Variants in OPRM1 observed in about 807,000 individuals in gnomAD.
OPRM1 encodes opioid receptor mu 1.
In OPRM1, 27 loss-of-function variants were observed where a neutral mutation model predicts 31.8. The ratio of observed to expected loss-of-function variants is 0.85; its 90% CI spans 0.63 to 1.17. OPRM1 has a LOEUF of 1.17. Ranked by LOEUF, OPRM1 falls within the 50% of genes most tolerant of loss-of-function variation. OPRM1 has a pLI of 0.00. For missense variants in OPRM1, 536 were observed against 511.1 expected, an observed-to-expected ratio of 1.05 and a Z score of -0.47; for synonymous variants, 196 against 189.9, an observed-to-expected ratio of 1.03 and a Z score of -0.26.
At chr6:154,089,414 C>A (rs1198367369) in intron 1 of OPRM1, among the ~76,000 whole-genome samples, 1 of 152,030 alleles carries the variant, frequency 6.6e-6, no homozygotes, top group Non-Finnish European at 1.5e-5. Context: ...TGTCAAGACC[C>A]TGTCCCTACA....
intron 1 of OPRM1, among the ~76,000 whole-genome samples, chr6:154,021,409 T>C (rs535889790): frequency 6.6e-6 from 1 of 152,194 alleles, no homozygotes; most frequent in Non-Finnish European, 1.5e-5. Flanking sequence ...CCTCCAACTT[T>C]GTGCTTCTTC....
chr6:154,065,536 C>T (rs904278609), intron 1 of OPRM1, among the ~76,000 whole-genome samples: 3 of 152,188 alleles, frequency 2.0e-5, no homozygotes, highest in Admixed American at 6.5e-5. Flanking sequence ...ATAAATTAAA[C>T]TATTTTTCTA....
intron 1 of OPRM1, chr6:154,086,778 G>A: frequency 1.0e-6 from 1 of 985,394 alleles, no homozygotes; most frequent in Non-Finnish European, 1.2e-6. Flanking sequence ...TGCTGGGTAG[G>A]AAAGTGGCAA....
chr6:154,039,895 C>G, intron 1 of OPRM1, 61 bp downstream of exon 1: 1 of 1,436,454 alleles, frequency 7.0e-7, no homozygotes, highest in Admixed American at 2.2e-5. Context: ...TACAAAGAGA[C>G]ACCTAACTCC....
intron 3 of OPRM1, chr6:154,158,773 A>G (rs1024893554): frequency 5.3e-5 from 8 of 152,246 alleles, no homozygotes; most frequent in Admixed American, 1.3e-4. Flanking sequence ...ATCATCTTTT[A>G]AACACTAGTA....
At chr6:154,152,179 A>AAAG (rs1159707765) in intron 3 of OPRM1, among the ~76,000 whole-genome samples, 1 of 145,738 alleles carries the variant, frequency 6.9e-6, no homozygotes, top group African/African-American at 2.7e-5. Context: ...ACAAAAAAAA[A>AAAG]AAAGAAAGAG....
chr6:154,198,905 C>T (rs1027817349), intron 3 of OPRM1, among the ~76,000 whole-genome samples: 4 of 152,182 alleles, frequency 2.6e-5, no homozygotes, highest in Non-Finnish European at 5.9e-5. Flanking sequence ...TCTTTCACTG[C>T]TCAGTATCTT....
intron 1 of OPRM1, among the ~76,000 whole-genome samples, chr6:154,013,857 C>A (rs1171877546): frequency 4.6e-5 from 7 of 152,114 alleles, no homozygotes; most frequent in Non-Finnish European, 8.8e-5. Flanking sequence ...AGAGCCAAGG[C>A]TTCTTGAGAC....
chr6:154,012,656 T>C (rs1777792098), intron 1 of OPRM1, among the ~76,000 whole-genome samples: 2 of 152,160 alleles, frequency 1.3e-5, no homozygotes, highest in Non-Finnish European at 2.9e-5. Context: ...AAAGTTAAAA[T>C]AGGGTCTATG....
Position 154,119,013 on chromosome 6 carries a change from G to T in OPRM1, c.*292G>T. ...TATGTGAATTGAAGTCATCATAAAA[G>T]GTGACCCTTCTGTCTGTAAGATTTT... On this transcript the variant is annotated 3_prime_UTR_variant, in exon 4 of 4. Coordinates refer to ENST00000330432, the MANE Select transcript of OPRM1 (RefSeq NM_000914.5). 8.7e-7 allele frequency: 1 copy of T among 1,152,894 alleles called. No individual in the cohort carries two copies. The allele number at this position is 1,152,894 out of a possible 1,614,324, so 71.4% of individuals were successfully genotyped here. A position where few individuals can be genotyped will look rare whatever the true frequency, so the allele number is the denominator to read the frequency against.
intron 3 of OPRM1, among the ~76,000 whole-genome samples, chr6:154,187,052 T>G (rs1203651806): frequency 1.3e-5 from 2 of 152,162 alleles, no homozygotes; most frequent in Non-Finnish European, 2.9e-5. Flanking sequence ...CACTCCACAC[T>G]CTGTCTTCCT....
intron 1 of OPRM1, among the ~76,000 whole-genome samples, chr6:154,082,219 A>C (rs1789326458): frequency 6.6e-6 from 1 of 152,180 alleles, no homozygotes. Context: ...TTATTTCTTT[A>C]TTTAAATTCC....
chr6:154,083,089 C>T (rs1308710365), intron 1 of OPRM1, among the ~76,000 whole-genome samples: 1 of 152,072 alleles, frequency 6.6e-6, no homozygotes, highest in Admixed American at 6.6e-5. Context: ...TGGGCACTTC[C>T]GGAAAGCATA....
At chr6:154,159,391 CA>C (rs1798843579) in intron 3 of OPRM1, 1 of 175,316 alleles carries the variant, frequency 5.7e-6, no homozygotes, top group African/African-American at 2.4e-5. Flanking sequence ...TCCACTCAAA[CA>C]GTGATTTGGG....
intron 3 of OPRM1, among the ~76,000 whole-genome samples, chr6:154,092,959 AC>A (rs1792621603): frequency 6.6e-6 from 1 of 152,204 alleles, no homozygotes; most frequent in African/African-American, 2.4e-5. Context: ...GTTTTTTTCC[AC>A]ATCAAGACTG....
At chr6:154,109,790 CTCTGTGTGTGTGTG>C (rs1359563303) in intron 3 of OPRM1, among the ~76,000 whole-genome samples, 1 of 76,980 alleles carries the variant, frequency 1.3e-5, no homozygotes, top group African/African-American at 4.3e-5. Flanking sequence ...CTCTCTCTCT[CTCTGTGTGTGTGTG>C]TGTGTGTGTG....
At chr6:154,052,330 A>G (rs1165253714) in intron 1 of OPRM1, among the ~76,000 whole-genome samples, 3 of 152,246 alleles carry the variant, frequency 2.0e-5, no homozygotes, top group Non-Finnish European at 4.4e-5. Context: ...GTATCTTGGA[A>G]CTTAGAGTAA....
Position 154,120,016 on chromosome 6 carries a change from C to G in OPRM1, c.*1295C>G, listed in dbSNP as rs971298479. Among the ~76,000 whole-genome samples, 3 of 152,190 alleles carry G rather than the reference C, an allele frequency of 2.0e-5. No individual in the cohort carries two copies. Among genetic ancestry groups the G allele is most frequent in the Non-Finnish European group, 4.4e-5 (3 of 68,020 alleles). Reference sequence around the variant, plus strand: ...TGAAACACAGTAGAGATTTGGCAATCAACCATTTTACTTGATCTAGGTAGA... The same window carrying G: ...TGAAACACAGTAGAGATTTGGCAATGAACCATTTTACTTGATCTAGGTAGA... On this transcript the variant is annotated 3_prime_UTR_variant, in exon 4 of 4. Transcript: ENST00000330432.
At chr6:154,211,844 A>G (rs1777989057) in intron 3 of OPRM1, among the ~76,000 whole-genome samples, 1 of 152,254 alleles carries the variant, frequency 6.6e-6, no homozygotes, top group African/African-American at 2.4e-5. Flanking sequence ...GGACTAACAC[A>G]TAGAATAATA....
Sources: gnomAD v4.1 joint callset for allele counts (sites outside exome capture counted in the v4.1 genomes callset) on GRCh38, gnomAD v4.1.1 for gene constraint, MANE v1.5 for transcripts, NCBI Gene and HGNC (gene_info 2026-07-23, HGNC 2026-07-21) for gene names.